USO1: variants seen among roughly 807,000 people sequenced by gnomAD.
USO1 encodes general vesicular transport factor p115.
A neutral mutation model predicts 124.5 loss-of-function variants in USO1; 57 were observed. The ratio of observed to expected loss-of-function variants is 0.46; its 90% CI spans 0.37 to 0.57. The LOEUF is 0.57. USO1 is among the 20% of genes least tolerant of loss of function. The probability of loss-of-function intolerance (pLI) is 0.00; values close to 1 mark genes in which losing one functional copy is unlikely to be tolerated. For synonymous variants in USO1, 369 were observed against 362.8 expected (o/e 1.02, Z -0.19); for missense variants, 900 against 1,040.6 (o/e 0.86, Z 1.86).
chr4:75,805,563 C>G lies in USO1; in HGVS notation c.2289+260C>G, dbSNP rs187318379. Among the ~76,000 whole-genome samples, 632 of 152,048 alleles carry G rather than the reference C, an allele frequency of 4.2e-3. 4 individuals are homozygous for G. The highest frequency in any genetic ancestry group is 0.015 in the African/African-American group (616 of 41,480). On this transcript the variant is annotated intron_variant, in intron 19 of 23. Transcript: ENST00000514213. ...CTCTACTAAAAATACAAAAATTAGC[C>G]GGGCATGGTGGCAGGCACCTGTAGT...
At chr4:75,730,637 C>G (rs556986286) in intron 1 of USO1, among the ~76,000 whole-genome samples, 1 of 151,962 alleles carries the variant, frequency 6.6e-6, no homozygotes, top group African/African-American at 2.4e-5. Context: ...TTTGTTGATA[C>G]CAAATACTGT....
At chr4:75,770,146 T>C (rs1721880737) in intron 4 of USO1, 5 of 188,492 alleles carry the variant, frequency 2.7e-5, no homozygotes, top group Non-Finnish European at 4.4e-5. Context: ...TGTTTCCTTA[T>C]GCCCTAATAG....
chr4:75,783,006 C>G, intron 9 of USO1, 148 bp downstream of exon 9: 1 of 1,135,790 alleles, frequency 8.8e-7, no homozygotes, highest in Non-Finnish European at 1.2e-6. Flanking sequence ...TTGCAGTTAT[C>G]CTCTAGCTAG....
At position 75,736,824 on chromosome 4, in the gene USO1, C is replaced by G. The variant is rs545146117; in HGVS notation, c.66+11939C>G. Among the ~76,000 whole-genome samples the G allele has an allele frequency of 4.6e-5, 7 of 152,318 alleles. No homozygotes were observed. In the East Asian group the frequency reaches 1.3e-3, roughly 29 times the overall value. ...ATAATATAGATTAGTCAAACTGTCT[C>G]TTTTTTCTACTGTCATTCCTTTCTG... On this transcript the variant is annotated intron_variant, in intron 1 of 23. Coordinates refer to ENST00000514213, the MANE Select transcript of USO1 (RefSeq NM_003715.4).
chr4:75,773,139 TC>T (rs1264271304), intron 7 of USO1, among the ~76,000 whole-genome samples: 1 of 152,118 alleles, frequency 6.6e-6, no homozygotes, highest in Admixed American at 6.6e-5. Context: ...TTCTGGAATC[TC>T]CTGTTTTCCT....
intron 10 of USO1, among the ~76,000 whole-genome samples, chr4:75,789,781 T>A (rs1403559206): frequency 2.0e-5 from 3 of 152,154 alleles, no homozygotes; most frequent in African/African-American, 4.8e-5. Context: ...AAAACCTTTT[T>A]CTGTTTTTAT....
chr4:75,770,784 A>C (rs1721905468), intron 5 of USO1, 38 bp from the exon 6 acceptor site: 14 of 1,580,208 alleles, frequency 8.9e-6, no homozygotes, highest in Non-Finnish European at 1.2e-5. Context: ...GAAAATGTGA[A>C]TTACAGATGT....
At chr4:75,745,060 C>G (rs573298334) in intron 1 of USO1, 1 of 341,142 alleles carries the variant, frequency 2.9e-6, no homozygotes, top group Non-Finnish European at 5.7e-6. Context: ...ACTGCCATCA[C>G]ATTAATGCCT....
At chr4:75,786,794 G>A (rs1352530063) in intron 9 of USO1, among the ~76,000 whole-genome samples, 2 of 152,136 alleles carry the variant, frequency 1.3e-5, no homozygotes, top group South Asian at 2.1e-4. Flanking sequence ...CAAGTACTAT[G>A]CTTCTTTGGG....
intron 4 of USO1, among the ~76,000 whole-genome samples, chr4:75,766,193 TACAG>T (rs1462762427): frequency 6.6e-6 from 1 of 152,212 alleles, no homozygotes; most frequent in Non-Finnish European, 1.5e-5. Flanking sequence ...TATCAAGACT[TACAG>T]ACAACTTTCT....
intron 1 of USO1, among the ~76,000 whole-genome samples, chr4:75,749,953 T>C (rs2149152406): frequency 6.6e-6 from 1 of 152,096 alleles, no homozygotes; most frequent in Admixed American, 6.5e-5. Context: ...CAGGGTTTCA[T>C]CATGTTAGCC....
Position 75,793,748 on chromosome 4 carries a change from T to C in USO1, c.1299T>C (p.Asp433=). Residue 433 remains aspartate, a synonymous_variant, in exon 13 of 24, where the codon GAT becomes GAC. Coordinates refer to ENST00000514213, the MANE Select transcript of USO1 (RefSeq NM_003715.4). ...QLLCGGLFST[D]SLSNWCAAVA... is the part of the protein sequence containing the mutation. Reference sequence around the variant, plus strand: ...TATGTGGAGGTTTGTTTTCTACTGATTCACTTTCAAACTGGTGTGCTGCTG... The same window carrying C: ...TATGTGGAGGTTTGTTTTCTACTGACTCACTTTCAAACTGGTGTGCTGCTG... The C allele has an allele frequency of 6.2e-7, 1 of 1,613,598 alleles. No individual in the cohort carries two copies. Among genetic ancestry groups the C allele is most frequent in the Non-Finnish European group, 8.5e-7 (1 of 1,179,710 alleles).
rs1417287099 is a variant in USO1 at position 75,799,658 on chromosome 4, T to C, written c.1489T>C (p.Leu497=). The C allele has an allele frequency of 6.2e-7, 1 of 1,613,806 alleles. No homozygotes were observed. The highest frequency in any genetic ancestry group is 2.2e-5 in the East Asian group (1 of 44,830). ...ACAAACAAGAGTTGGATTATTAATG[T>C]TGCTTTGTACCTGGCTAAGCAATTG... is the stretch of plus-strand genomic sequence containing the variant. ...KIQTRVGLLM[L]LCTWLSNCPI... is the part of the protein sequence containing the mutation. The change falls in exon 14 of 24, where the codon TTG becomes CTG. Residue 497 remains leucine, a synonymous_variant. Transcript: ENST00000514213.
chr4:75,787,193 C>G lies in USO1; in HGVS notation c.987C>G (p.Ile329Met), dbSNP rs1380032949. 6.5e-7 allele frequency: 1 copy of G among 1,539,952 alleles called. No homozygotes were observed. Among genetic ancestry groups the G allele is most frequent in the South Asian group, 1.3e-5 (1 of 79,302 alleles). The change falls in exon 10 of 24, where the codon ATC becomes ATG. Residue 329 changes from isoleucine to methionine, a missense_variant. By Grantham distance (10) the Ile-to-Met change is conservative (BLOSUM62 1). Around this residue, in one of 2 missense-constraint regions of USO1, gnomAD observed 538 missense variants for 681.6 expected, o/e 0.79. Coordinates refer to ENST00000514213, the MANE Select transcript of USO1 (RefSeq NM_003715.4). ...ILMATGVPAD[I>M]LTETINTVSE... ...TGGCTACTGGGGTTCCTGCTGATATCCTGACTGAGGTAAAGCAAATGAAGT... is the reference window on the plus strand; with the variant it reads ...TGGCTACTGGGGTTCCTGCTGATATGCTGACTGAGGTAAAGCAAATGAAGT...
rs1720328983 is a variant in USO1, at chr4:75,724,613, C to T, written c.-207C>T. The stretch of plus-strand genomic sequence containing the variant: ...TCAACCTTCGAGCCGCCACGTAATG[C>T]CACGTCCCCGCGCATGCGCATCTTG... On this transcript the variant is annotated 5_prime_UTR_variant, in exon 1 of 24. Coordinates refer to ENST00000514213, the MANE Select transcript of USO1 (RefSeq NM_003715.4). The T allele has an allele frequency of 3.5e-6, 2 of 575,878 alleles. No individual in the cohort carries two copies. The highest frequency in any genetic ancestry group is 3.1e-6 in the Non-Finnish European group (1 of 323,214). The allele number at this position is 575,878 out of a possible 1,614,324, so 35.7% of individuals were successfully genotyped here.
At chr4:75,777,731 G>A (rs530083736) in intron 8 of USO1, among the ~76,000 whole-genome samples, 1 of 152,324 alleles carries the variant, frequency 6.6e-6, no homozygotes, top group South Asian at 2.1e-4. Flanking sequence ...AAACACATTT[G>A]TTGCTGATGG....
At chr4:75,807,758 T>C (rs1017172538) in intron 20 of USO1, among the ~76,000 whole-genome samples, 1 of 152,176 alleles carries the variant, frequency 6.6e-6, no homozygotes, top group Admixed American at 6.5e-5. Context: ...TTGTAAATTC[T>C]AAGTAAAAAT....
chr4:75,757,375 A>G (rs540813097), intron 3 of USO1, 122 bp from the exon 4 acceptor site: 1 of 867,380 alleles, frequency 1.2e-6, no homozygotes, highest in Non-Finnish European at 1.6e-6. Context: ...TTGCACTCTG[A>G]TATTTTCTTA....
intron 1 of USO1, among the ~76,000 whole-genome samples, chr4:75,751,255 A>G (rs1721291280): frequency 6.6e-6 from 1 of 150,708 alleles, no homozygotes; most frequent in African/African-American, 2.4e-5. Flanking sequence ...TCTGTCACTC[A>G]GGCTGGAGTG....
Sources: allele counts gnomAD v4.1 joint callset (sites outside exome capture counted in the v4.1 genomes callset), GRCh38; gene constraint gnomAD v4.1.1; regional missense constraint gnomAD v4.1.1; transcripts MANE v1.5; gene names NCBI Gene and HGNC (gene_info 2026-07-23, HGNC 2026-07-21).